The following ZNF444 variants were observed in gnomAD, a reference collection of about 807,000 sequenced individuals.
ZNF444 encodes the protein endothelial zinc finger protein 2.
A neutral mutation model predicts 14.4 loss-of-function variants in ZNF444; 8 were observed. That is an observed-to-expected ratio of 0.56 (90% CI 0.33 to 1.00). ZNF444 has a LOEUF of 1.00. Ranked by LOEUF, ZNF444 falls within the 50% of genes least tolerant of loss-of-function variation. The pLI, the probability that ZNF444 is intolerant of heterozygous loss-of-function variation, is 0.03. For missense variants in ZNF444, 510 were observed against 504.8 expected (o/e 1.01, Z -0.10); for synonymous variants, 258 against 235.9 (o/e 1.09, Z -0.86).
chr19:56,135,635 C>T (rs1599981392), intron 1 of ZNF444, among the ~76,000 whole-genome samples: 1 of 151,966 alleles, frequency 6.6e-6, no homozygotes, highest in East Asian at 1.9e-4. Flanking sequence ...TCCTGCTTAT[C>T]AGTTGCTTAA....
chr19:56,152,484 T>C (rs1480942690), intron 3 of ZNF444, among the ~76,000 whole-genome samples: 1 of 103,122 alleles, frequency 9.7e-6, no homozygotes, highest in Non-Finnish European at 1.9e-5. Context: ...CAGGGTTTTG[T>C]TTTTTTTTTT....
At position 56,147,208 on chromosome 19, in the gene ZNF444, G is replaced by C; in HGVS notation, c.297G>C (p.Trp99Cys). 1.4e-6 allele frequency: 2 copies of C among 1,435,610 alleles called. No homozygotes were observed. Among genetic ancestry groups the C allele is most frequent in the South Asian group, 2.9e-5 (2 of 69,414 alleles). 88.9% of individuals were successfully genotyped at this position (1,435,610 alleles called of 1,614,324 possible). A position where few individuals can be genotyped will look rare whatever the true frequency, so the allele number is the denominator to read the frequency against. The change falls in exon 3 of 5, where the codon TGG (tryptophan) becomes TGC (cysteine). Residue 99 changes from tryptophan (W) to cysteine (C), a missense_variant and splice_region_variant. Trp to Cys is a radical substitution (Grantham distance 215). Transcript: ENST00000337080. The surrounding 1 kb of genome is among the most constrained non-coding windows in gnomAD (Gnocchi z 5.9). ...CGGTGGCCCTGCTGGAGGAGCTCTG[G>C]GTGAGCCTGGCGGGACTGCAAGCGG... ...EEAVALLEEL[W>C]GPAASPDGSS...
At chr19:56,154,580 G>GCCACCC (rs200265765) in intron 3 of ZNF444, 5 of 151,794 alleles carry the variant, frequency 3.3e-5, no homozygotes, top group East Asian at 1.9e-4. Context: ...TGGCAAGGCT[G>GCCACCC]CCACCCCCAC....
At position 56,144,765 on chromosome 19, in the gene ZNF444, G is replaced by C. The variant is rs1218225592; in HGVS notation, c.-196-1482G>C. 1.3e-5 allele frequency among the ~76,000 whole-genome samples: 2 copies of C among 152,204 alleles called. No individual in the cohort carries two copies. The highest frequency in any genetic ancestry group is 2.9e-5 in the Non-Finnish European group (2 of 68,036). On this transcript the variant is annotated intron_variant, in intron 1 of 4. Coordinates refer to ENST00000337080, the MANE Select transcript of ZNF444 (RefSeq NM_018337.4). This position sits in a 1 kb window ranked among gnomAD's most constrained non-coding sequence, Gnocchi z 4.0. ...TATAGTTCCTTATGATACAGTCCAA[G>C]CTGCTGTAATGAAGAGACCCCAAGT...
At chr19:56,133,890 T>G (rs577059305) in intron 1 of ZNF444, among the ~76,000 whole-genome samples, 17 of 151,820 alleles carry the variant, frequency 1.1e-4, no homozygotes, top group African/African-American at 3.9e-4. Flanking sequence ...AGTCAGATAA[T>G]GGGCAATGTG....
chr19:56,159,823 G>A lies in ZNF444; in HGVS notation c.606G>A (p.Ser202=), dbSNP rs752476973. 38 of 1,576,098 alleles carry A rather than the reference G, an allele frequency of 2.4e-5. No homozygotes were observed. The East Asian group carries it at 3.0e-4, about 12-fold the overall frequency. ...TGCTGCGCCACCGGCAGAGCCACTC[G>A]GGCGAGAAGCCGCACGCCTGCCCTG... The part of the protein sequence containing the change: ...AHLLRHRQSH[S]GEKPHACPEC... Residue 202 remains serine, a synonymous_variant, in exon 5 of 5, where the codon TCG becomes TCA. Coordinates refer to ENST00000337080, the MANE Select transcript of ZNF444 (RefSeq NM_018337.4).
At chr19:56,150,418 G>A (rs2031505013) in intron 3 of ZNF444, 1 of 348,142 alleles carries the variant, frequency 2.9e-6, no homozygotes, top group Non-Finnish European at 5.6e-6. Context: ...CTTGCTCCGA[G>A]GCGAACCTCT....
At position 56,160,040 on chromosome 19, in the gene ZNF444, G is replaced by T. The variant is rs1317204846; in HGVS notation, c.823G>T (p.Ala275Ser). 6.6e-7 allele frequency: 1 copy of T among 1,508,234 alleles called. No homozygotes were observed. The highest frequency in any genetic ancestry group is 8.8e-7 in the Non-Finnish European group (1 of 1,133,962). 93.4% of individuals were successfully genotyped at this position (1,508,234 alleles called of 1,614,324 possible). A position where few individuals can be genotyped will look rare whatever the true frequency, so the allele number is the denominator to read the frequency against. Residue 275 changes from alanine to serine, a missense_variant, in exon 5 of 5, where the codon GCG (alanine) becomes TCG (serine). By Grantham distance (99) the Ala-to-Ser change is moderately conservative (BLOSUM62 1). Coordinates refer to ENST00000337080, the MANE Select transcript of ZNF444 (RefSeq NM_018337.4). ...GCGCCACCGCAAGACGCACTCGGGA[G>T]CGCGGCCCTTTGCCTGCTGGGAGTG... The part of the protein sequence containing the change: ...LVRHRKTHSG[A>S]RPFACWECGK...
At position 56,159,888 on chromosome 19, in the gene ZNF444, G is replaced by A. The variant is rs1467003669; in HGVS notation, c.671G>A (p.Arg224His). The stretch of plus-strand genomic sequence containing the variant: ...TTTCGGCGCAAGGAGCACCTGCGGC[G>A]CCACCGCGACACGCACCCCGGCAGC... ...KAFRRKEHLR[R>H]HRDTHPGSPG... The change falls in exon 5 of 5, where the codon CGC (arginine) becomes CAC (histidine). Residue 224 changes from arginine (R) to histidine (H), a missense_variant. Arg to His is a conservative substitution (Grantham distance 29). Coordinates refer to ENST00000337080, the MANE Select transcript of ZNF444 (RefSeq NM_018337.4). 1.3e-6 allele frequency: 2 copies of A among 1,525,182 alleles called. No individual in the cohort carries two copies. The highest frequency in any genetic ancestry group is 1.2e-5 in the South Asian group (1 of 83,110). 94.5% of individuals were successfully genotyped at this position (1,525,182 alleles called of 1,614,324 possible). A position where few individuals can be genotyped will look rare whatever the true frequency, so the allele number is the denominator to read the frequency against.
intron 1 of ZNF444, among the ~76,000 whole-genome samples, chr19:56,136,166 A>G (rs978051083): frequency 4.0e-5 from 6 of 150,912 alleles, no homozygotes; most frequent in African/African-American, 1.2e-4. Context: ...CTCACCCCCA[A>G]TCCCAACTCT....
chr19:56,146,923 G>A lies in ZNF444; in HGVS notation c.12G>A (p.Ala4=), dbSNP rs2031223717. 6 of 1,435,126 alleles carry A rather than the reference G, an allele frequency of 4.2e-6. No homozygotes were observed. Among genetic ancestry groups the A allele is most frequent in the East Asian group, 2.9e-5 (1 of 34,568 alleles). The allele number at this position is 1,435,126 out of a possible 1,614,324, so 88.9% of individuals were successfully genotyped here. A position where few individuals can be genotyped will look rare whatever the true frequency, so the allele number is the denominator to read the frequency against. Reference sequence around the variant, plus strand: ...GTCCGGGAGGCCCCATGGAGGTGGCGGTGCCCGTGAAGCAGGAGGCCGAGG... The same window carrying A: ...GTCCGGGAGGCCCCATGGAGGTGGCAGTGCCCGTGAAGCAGGAGGCCGAGG... MEV[A]VPVKQEAEGL... is the part of the protein sequence containing the mutation. Residue 4 remains alanine (A), a synonymous_variant, in exon 3 of 5, where the codon GCG becomes GCA. Transcript: ENST00000337080.
chr19:56,149,114 T>C (rs1264257879), intron 3 of ZNF444, among the ~76,000 whole-genome samples: 6 of 112,074 alleles, frequency 5.4e-5, no homozygotes, highest in East Asian at 3.0e-4. Flanking sequence ...ATCACTCCTC[T>C]GACCTTGACC....
At chr19:56,133,894 C>A (rs920720014) in intron 1 of ZNF444, among the ~76,000 whole-genome samples, 2 of 151,840 alleles carry the variant, frequency 1.3e-5, no homozygotes, top group Admixed American at 6.6e-5. Flanking sequence ...AGATAATGGG[C>A]AATGTGATCC....
Position 56,158,657 on chromosome 19 carries a change from G to A in ZNF444, c.406+55G>A. On this transcript the variant is annotated intron_variant, in intron 4 of 4. Coordinates refer to ENST00000337080, the MANE Select transcript of ZNF444 (RefSeq NM_018337.4). The stretch of plus-strand genomic sequence containing the variant: ...GCCAGCCCCCAGCACCGGGGAGGGG[G>A]TTCAGTGAACGATCCTGGCACCAGG... 3.4e-6 allele frequency: 5 copies of A among 1,452,556 alleles called. No individual in the cohort carries two copies. In the South Asian group the frequency reaches 5.1e-5, roughly 15 times the overall value. 90.0% of individuals were successfully genotyped at this position (1,452,556 alleles called of 1,614,324 possible).
rs979398741 is a variant in ZNF444, at chr19:56,146,801, A to G, written c.-22-89A>G. The stretch of plus-strand genomic sequence containing the variant: ...AACTCCGTCTCAAAAAATAAAAAGT[A>G]AAAAAAAAGAGCGTTGGTCCCATTG... On this transcript the variant is annotated intron_variant, in intron 2 of 4. Coordinates refer to ENST00000337080, the MANE Select transcript of ZNF444 (RefSeq NM_018337.4). The G allele has an allele frequency of 3.5e-5, 33 of 941,496 alleles. No homozygotes were observed. The Admixed American group carries it at 3.5e-4, about 10-fold the overall frequency. 58.3% of individuals were successfully genotyped at this position (941,496 alleles called of 1,614,324 possible).
intron 3 of ZNF444, among the ~76,000 whole-genome samples, chr19:56,148,049 G>A (rs888453590): frequency 1.3e-5 from 2 of 152,220 alleles, no homozygotes; most frequent in Non-Finnish European, 2.9e-5. Context: ...TCCTGTCGGG[G>A]GATGTGTTAT....
Position 56,159,659 on chromosome 19 carries a change from G to A in ZNF444, c.442G>A (p.Gly148Arg), listed in dbSNP as rs939890414. The A allele has an allele frequency of 2.7e-6, 4 of 1,471,338 alleles. No homozygotes were observed. In the African/African-American group the frequency reaches 5.8e-5, roughly 21 times the overall value. The allele number at this position is 1,471,338 out of a possible 1,614,324, so 91.1% of individuals were successfully genotyped here. The change falls in exon 5 of 5, where the codon GGG (glycine) becomes AGG (arginine). Residue 148 changes from glycine (G) to arginine (R), a missense_variant. Coordinates refer to ENST00000337080, the MANE Select transcript of ZNF444 (RefSeq NM_018337.4). ...TAPGAEGPAP[G>R]DSQAVRPYKQ... ...CCCTGGGGCTGAGGGGCCGGCGCCT[G>A]GGGACTCCCAGGCTGTGCGCCCCTA...
chr19:56,145,572 C>T lies in ZNF444; in HGVS notation c.-196-675C>T, dbSNP rs994466091. 4.6e-5 allele frequency among the ~76,000 whole-genome samples: 7 copies of T among 151,572 alleles called. No homozygotes were observed. Among genetic ancestry groups the T allele is most frequent in the East Asian group, 1.9e-4 (1 of 5,174 alleles). On this transcript the variant is annotated intron_variant, in intron 1 of 4. Coordinates refer to ENST00000337080, the MANE Select transcript of ZNF444 (RefSeq NM_018337.4). The surrounding 1 kb of genome is among the most constrained non-coding windows in gnomAD (Gnocchi z 4.3). Reference sequence around the variant, plus strand: ...TTGCACTCCATCCTGGGCAACAGAGCGAGACTCCATCTCAAAACAAAAATT... The same window carrying T: ...TTGCACTCCATCCTGGGCAACAGAGTGAGACTCCATCTCAAAACAAAAATT...
intron 4 of ZNF444, among the ~76,000 whole-genome samples, 153 bp downstream of exon 4, chr19:56,158,755 G>A (rs2032063927): frequency 6.6e-6 from 1 of 152,070 alleles, no homozygotes; most frequent in African/African-American, 2.4e-5. Flanking sequence ...GGCGGGCATT[G>A]GGGGTATGGG....
Sources: gnomAD v4.1 joint callset for allele counts (sites outside exome capture counted in the v4.1 genomes callset) on GRCh38, gnomAD v4.1.1 for gene constraint, Gnocchi (gnomAD v3.1) non-coding constraint, MANE v1.5 for transcripts, NCBI Gene and HGNC (gene_info 2026-07-23, HGNC 2026-07-21) for gene names.